Variants in PAH observed in about 807,000 individuals in gnomAD.
The protein encoded by PAH is phenylalanine-4-hydroxylase.
A neutral mutation model predicts 62.0 loss-of-function variants in PAH; 64 were observed. The ratio of observed to expected loss-of-function variants is 1.03; its 90% CI spans 0.84 to 1.27. The LOEUF (loss-of-function observed/expected upper bound fraction) is 1.27. Among genes scored for constraint, PAH ranks in the 50% most tolerant of loss-of-function variants. PAH has a pLI of 0.00. For missense variants in PAH, 579 were observed against 542.8 expected (o/e 1.07, Z -0.66); for synonymous variants, 195 against 196.2 (o/e 0.99, Z 0.05).
intron 5 of PAH, among the ~76,000 whole-genome samples, chr12:102,857,337 C>G (rs964099564): frequency 6.6e-6 from 1 of 152,220 alleles, no homozygotes; most frequent in Non-Finnish European, 1.5e-5. Flanking sequence ...AAGACCAAAT[C>G]TACATCTGAT....
intron 4 of PAH, among the ~76,000 whole-genome samples, chr12:102,871,820 G>T (rs946135004): frequency 6.6e-6 from 1 of 151,552 alleles, no homozygotes; most frequent in South Asian, 2.1e-4. Flanking sequence ...TACTCGGGAG[G>T]CTGAGGCAGG....
intron 3 of PAH, chr12:102,885,963 C>G (rs1877024148): frequency 6.6e-6 from 1 of 152,420 alleles, no homozygotes; most frequent in Non-Finnish European, 1.5e-5. Context: ...TCCAGCCCCC[C>G]AGAGAAGCAG....
In PAH at chr12:102,837,564, A is replaced by G. The variant is rs1339382417; in HGVS notation, c.*1611T>C. 2.0e-5 allele frequency: 3 copies of G among 152,248 alleles called. No individual in the cohort carries two copies. The highest frequency in any genetic ancestry group is 4.4e-5 in the Non-Finnish European group (3 of 68,052). 9.4% of individuals were successfully genotyped at this position (152,248 alleles called of 1,614,324 possible). On this transcript the variant is annotated 3_prime_UTR_variant, in exon 13 of 13. Transcript: ENST00000553106. Reference sequence around the variant, plus strand: ...CAACTTCAAAACAATGAAACTTCAGACACATTCAGTAAATTCCTCTTTCCT... The same window carrying G: ...CAACTTCAAAACAATGAAACTTCAGGCACATTCAGTAAATTCCTCTTTCCT...
chr12:102,850,659 G>A (rs901685715), intron 8 of PAH, among the ~76,000 whole-genome samples: 1 of 152,156 alleles, frequency 6.6e-6, no homozygotes, highest in Non-Finnish European at 1.5e-5. Flanking sequence ...CACACAGCTG[G>A]TTAGTGGCAG....
At chr12:102,856,595 A>G (rs2136651399) in intron 5 of PAH, among the ~76,000 whole-genome samples, 1 of 152,328 alleles carries the variant, frequency 6.6e-6, no homozygotes, top group South Asian at 2.1e-4. Context: ...GCAGGGGCAG[A>G]CTGACACCGC....
At chr12:102,934,572 T>C (rs1159317318) in intron 1 of PAH, among the ~76,000 whole-genome samples, 3 of 152,208 alleles carry the variant, frequency 2.0e-5, no homozygotes, top group East Asian at 3.9e-4. Context: ...TATCTTTCTA[T>C]GGTTTTTGCA....
chr12:102,958,406 G>A, upstream of PAH: 1 of 1,515,062 alleles, frequency 6.6e-7, no homozygotes, highest in Admixed American at 2.0e-5. Flanking sequence ...AGCAGCAGCA[G>A]CAGCAGCAGC....
intron 4 of PAH, among the ~76,000 whole-genome samples, chr12:102,869,793 G>C (rs1876218526): frequency 6.6e-6 from 1 of 152,110 alleles, no homozygotes; most frequent in African/African-American, 2.4e-5. Context: ...GCATTCCTTG[G>C]GCTACCAGAC....
chr12:102,847,096 C>T (rs1874886308), intron 8 of PAH, 145 bp from the exon 9 acceptor site: 3 of 706,206 alleles, frequency 4.2e-6, no homozygotes, highest in Non-Finnish European at 7.8e-6. Context: ...TCAAGTCTTT[C>T]CTGCCCATAT....
At chr12:102,897,465 G>GTGTGTA (rs1491228677) in intron 2 of PAH, among the ~76,000 whole-genome samples, 2 of 93,946 alleles carry the variant, frequency 2.1e-5, no homozygotes, top group African/African-American at 3.7e-5. Flanking sequence ...GTGTGTGTGT[G>GTGTGTA]TATATATATA....
At chr12:102,925,971 G>A (rs975089587) in intron 1 of PAH, among the ~76,000 whole-genome samples, 6 of 151,800 alleles carry the variant, frequency 4.0e-5, no homozygotes, top group Admixed American at 3.3e-4. Context: ...ATCCCTTCTC[G>A]GCAACATCAG....
chr12:102,887,224 G>A, intron 3 of PAH, among the ~76,000 whole-genome samples: 1 of 151,460 alleles, frequency 6.6e-6, no homozygotes, highest in Non-Finnish European at 1.5e-5. Context: ...AGAGGATGGT[G>A]GAAGTAGGGA....
chr12:102,950,768 C>T (rs371701044), exon 1 of PAH: 1 of 152,192 alleles, frequency 6.6e-6, no homozygotes, highest in East Asian at 1.9e-4. Flanking sequence ...TGACCCTGAG[C>T]GTTAAAGCCC....
intron 1 of PAH, among the ~76,000 whole-genome samples, chr12:102,944,529 T>G (rs1053870052): frequency 6.6e-6 from 1 of 152,236 alleles, no homozygotes; most frequent in African/African-American, 2.4e-5. Flanking sequence ...TCGTCAATTA[T>G]CTTATGACTG....
chr12:102,871,799 G>A (rs1049651091), intron 4 of PAH, among the ~76,000 whole-genome samples: 1 of 151,800 alleles, frequency 6.6e-6, no homozygotes, highest in African/African-American at 2.4e-5. Flanking sequence ...GCGCATGCCT[G>A]TAATCCCAGC....
chr12:102,919,552 AT>A (rs1565876143), upstream of PAH, among the ~76,000 whole-genome samples: 1 of 151,766 alleles, frequency 6.6e-6, no homozygotes, highest in Non-Finnish European at 1.5e-5. Context: ...TTCTTTCTAT[AT>A]TTTTTTGTAC....
intron 3 of PAH, among the ~76,000 whole-genome samples, chr12:102,883,746 C>G (rs1876917933): frequency 6.6e-6 from 1 of 152,148 alleles, no homozygotes; most frequent in Non-Finnish European, 1.5e-5. Context: ...CCATCATCTT[C>G]AAGAAAAGGT....
chr12:102,921,136 C>T (rs868681138), upstream of PAH, among the ~76,000 whole-genome samples: 37 of 152,288 alleles, frequency 2.4e-4, no homozygotes, highest in South Asian at 6.2e-4. Context: ...TACACACCAA[C>T]CAGCAGGCAA....
intron 11 of PAH, among the ~76,000 whole-genome samples, chr12:102,840,881 AG>A (rs1392597987): frequency 6.6e-6 from 1 of 152,204 alleles, no homozygotes; most frequent in Non-Finnish European, 1.5e-5. Flanking sequence ...GAGGGAAAAA[AG>A]CTCTGAAATG....
Sources: gnomAD v4.1 joint callset for allele counts (sites outside exome capture counted in the v4.1 genomes callset) on GRCh38, gnomAD v4.1.1 for gene constraint, MANE v1.5 for transcripts, NCBI Gene and HGNC (gene_info 2026-07-23, HGNC 2026-07-21) for gene names.